CNTN5: variants seen among roughly 807,000 people sequenced by gnomAD.
CNTN5 encodes contactin 5, also known as contactin-5.
Under a neutral mutation model 129.1 loss-of-function variants are expected in CNTN5, and 77 were observed. The ratio of observed to expected loss-of-function variants is 0.60; its 90% CI spans 0.50 to 0.72. The LOEUF (loss-of-function observed/expected upper bound fraction) is 0.72. CNTN5 is among the 30% of genes least tolerant of loss of function. CNTN5 has a pLI of 0.00. For synonymous variants in CNTN5, 509 were observed against 465.6 expected (o/e 1.09, Z -1.20); for missense variants, 1,478 against 1,328.8 (o/e 1.11, Z -1.75).
At chr11:99,733,048 G>A (rs769773597) in intron 3 of CNTN5, among the ~76,000 whole-genome samples, 1 of 152,082 alleles carries the variant, frequency 6.6e-6, no homozygotes, top group Admixed American at 6.5e-5. Context: ...GTCCTTGGCC[G>A]GGCGCGGTGG....
chr11:99,886,086 T>C (rs943913511), intron 6 of CNTN5, among the ~76,000 whole-genome samples: 1 of 152,044 alleles, frequency 6.6e-6, no homozygotes, highest in Non-Finnish European at 1.5e-5. Context: ...TCTGATAACT[T>C]TGAGAATTAA....
At chr11:99,513,331 C>G (rs1946912417) in intron 2 of CNTN5, among the ~76,000 whole-genome samples, 1 of 152,136 alleles carries the variant, frequency 6.6e-6, no homozygotes, top group Non-Finnish European at 1.5e-5. Flanking sequence ...CACGGTGAAA[C>G]AGCAAGTGCT....
At chr11:99,129,879 G>A (rs1858844160) in intron 1 of CNTN5, among the ~76,000 whole-genome samples, 1 of 152,126 alleles carries the variant, frequency 6.6e-6, no homozygotes, top group Admixed American at 6.5e-5. Context: ...CGTAAGTGAA[G>A]GACAAATAAA....
chr11:99,747,719 G>A (rs1396091431), intron 3 of CNTN5, among the ~76,000 whole-genome samples: 5 of 151,960 alleles, frequency 3.3e-5, no homozygotes, highest in South Asian at 2.1e-4. Flanking sequence ...TGATCCACCC[G>A]CCTCGGCCTC....
chr11:99,491,179 C>T (rs932560954), intron 2 of CNTN5, among the ~76,000 whole-genome samples: 1 of 152,060 alleles, frequency 6.6e-6, no homozygotes, highest in Non-Finnish European at 1.5e-5. Flanking sequence ...ATCAATCATT[C>T]CCATGTATTT....
chr11:99,347,266 C>G (rs1283454529), intron 2 of CNTN5, among the ~76,000 whole-genome samples: 1 of 152,062 alleles, frequency 6.6e-6, no homozygotes, highest in Non-Finnish European at 1.5e-5. Context: ...AAAATCTCTG[C>G]CTTTTGTGTT....
At chr11:100,296,464 T>C (rs1951102496) in intron 18 of CNTN5, among the ~76,000 whole-genome samples, 1 of 151,514 alleles carries the variant, frequency 6.6e-6, no homozygotes, top group Non-Finnish European at 1.5e-5. Flanking sequence ...CCTCAGTATG[T>C]ATGTAACAGT....
intron 2 of CNTN5, among the ~76,000 whole-genome samples, chr11:99,481,901 T>C (rs1036673104): frequency 6.6e-6 from 1 of 152,212 alleles, no homozygotes; most frequent in African/African-American, 2.4e-5. Context: ...GGTGATTGTT[T>C]AGGGAAGAGA....
chr11:99,819,666 G>C lies in CNTN5; in HGVS notation c.178G>C (p.Gly60Arg), dbSNP rs756903722. 3.7e-6 allele frequency: 6 copies of C among 1,612,824 alleles called. No individual in the cohort carries two copies. The South Asian group carries it at 6.6e-5, about 18-fold the overall frequency. Reference sequence around the variant, plus strand: ...ACCACGATACAGCAGCCCTTCATTAGGAACACTGAGTGCTTCTTCACCCAG... The same window carrying C: ...ACCACGATACAGCAGCCCTTCATTACGAACACTGAGTGCTTCTTCACCCAG... Reference protein sequence around the residue: ...TRPRYSSPSLGTLSASSPSWL... With the variant: ...TRPRYSSPSLRTLSASSPSWL... The change falls in exon 4 of 25, where the codon GGA becomes CGA. Residue 60 changes from glycine (G) to arginine (R), a missense_variant. By Grantham distance (125) the Gly-to-Arg change is moderately radical. Coordinates refer to ENST00000524871, the MANE Select transcript of CNTN5 (RefSeq NM_014361.4).
chr11:99,671,557 AT>A (rs1385605619), intron 3 of CNTN5, among the ~76,000 whole-genome samples: 1 of 152,132 alleles, frequency 6.6e-6, no homozygotes, highest in Non-Finnish European at 1.5e-5. Context: ...GTTAATAAAG[AT>A]TTTTAAAGTA....
rs910377005 is a variant in CNTN5, at chr11:100,358,229, CTT to C, written c.*2011_*2012del. ...GGTGTACACCAGATTTAGTGAAGGA[CTT>C]TAAGAATCAACTTCTTACTTACACT... On this transcript the variant is annotated 3_prime_UTR_variant, in exon 25 of 25. Coordinates refer to ENST00000524871, the MANE Select transcript of CNTN5 (RefSeq NM_014361.4). The C allele has an allele frequency of 6.6e-6, 1 of 151,866 alleles. No individual in the cohort carries two copies. Among genetic ancestry groups the C allele is most frequent in the African/African-American group, 2.4e-5 (1 of 41,408 alleles). 9.4% of individuals were successfully genotyped at this position (151,866 alleles called of 1,614,324 possible).
rs190505728 is a variant in CNTN5 at position 99,515,573 on chromosome 11, G to A, written c.-70-40572G>A. On this transcript the variant is annotated intron_variant, in intron 2 of 24. Transcript: ENST00000524871. Reference sequence around the variant, plus strand: ...CCATAGAATTCACTTAGAAAAAACTGATGCATTTTATAAAGTTCAAAGTAG... The same window carrying A: ...CCATAGAATTCACTTAGAAAAAACTAATGCATTTTATAAAGTTCAAAGTAG... 3.0e-3 allele frequency among the ~76,000 whole-genome samples: 450 copies of A among 152,006 alleles called. 3 individuals are homozygous for A. The highest frequency in any genetic ancestry group is 0.01 in the African/African-American group (434 of 41,486).
chr11:99,062,778 A>C (rs1864941935), intron 1 of CNTN5, among the ~76,000 whole-genome samples: 1 of 152,120 alleles, frequency 6.6e-6, no homozygotes, highest in Non-Finnish European at 1.5e-5. Context: ...TGCCATTGAT[A>C]AAATGCCAGG....
At chr11:99,499,239 A>C (rs2135377216) in intron 2 of CNTN5, among the ~76,000 whole-genome samples, 1 of 152,244 alleles carries the variant, frequency 6.6e-6, no homozygotes, top group South Asian at 2.1e-4. Flanking sequence ...TTTTAACAAA[A>C]ATGTTATACC....
At chr11:100,137,161 TTC>T (rs1471308897) in intron 13 of CNTN5, among the ~76,000 whole-genome samples, 1 of 152,082 alleles carries the variant, frequency 6.6e-6, no homozygotes, top group Non-Finnish European at 1.5e-5. Flanking sequence ...CATTATCCAT[TTC>T]TCTTTTATAT....
intron 1 of CNTN5, among the ~76,000 whole-genome samples, chr11:99,313,243 C>A (rs77907010): frequency 3.3e-5 from 5 of 151,834 alleles, no homozygotes; most frequent in South Asian, 2.1e-4. Context: ...CACAGATGTA[C>A]GTCATGATTC....
intron 3 of CNTN5, among the ~76,000 whole-genome samples, chr11:99,762,337 G>A (rs1227958286): frequency 6.6e-6 from 1 of 151,722 alleles, no homozygotes; most frequent in Non-Finnish European, 1.5e-5. Context: ...TGAAGTCCTT[G>A]CCCATGCCTG....
chr11:99,252,678 A>G (rs1862172506), intron 1 of CNTN5, among the ~76,000 whole-genome samples: 1 of 152,006 alleles, frequency 6.6e-6, no homozygotes. Flanking sequence ...TTAAAGTTTA[A>G]TTCGCTAGTT....
intron 2 of CNTN5, among the ~76,000 whole-genome samples, chr11:99,439,631 C>A (rs1317403324): frequency 6.9e-6 from 1 of 145,166 alleles, no homozygotes; most frequent in African/African-American, 2.5e-5. Flanking sequence ...TCGCTTGAAC[C>A]CGGAAGGCGG....
Sources: allele counts gnomAD v4.1 joint callset (sites outside exome capture counted in the v4.1 genomes callset), GRCh38; gene constraint gnomAD v4.1.1; transcripts MANE v1.5; gene names NCBI Gene and HGNC (gene_info 2026-07-23, HGNC 2026-07-21).